NRXN3: variants seen among roughly 807,000 people sequenced by gnomAD.
NRXN3 encodes the protein neurexin III.
A neutral mutation model predicts 137.6 loss-of-function variants in NRXN3; 32 were observed. That is an observed-to-expected ratio of 0.23 (90% CI 0.18 to 0.31). The LOEUF is 0.31. Among genes scored for constraint, NRXN3 ranks in the 10% least tolerant of loss-of-function variants. The probability of loss-of-function intolerance (pLI) is 1.00; values close to 1 mark genes in which losing one functional copy is unlikely to be tolerated. For synonymous variants in NRXN3, 798 were observed against 784.5 expected (o/e 1.02, Z -0.29); for missense variants, 1,574 against 2,062.5 (o/e 0.76, Z 4.59).
At chr14:78,462,959 A>G (rs2094967160) in intron 4 of NRXN3, among the ~76,000 whole-genome samples, 1 of 152,182 alleles carries the variant, frequency 6.6e-6, no homozygotes, top group South Asian at 2.1e-4. Context: ...TGAACAGTGT[A>G]CACTGTGCCC....
chr14:78,225,706 G>C (rs2153430032), intron 1 of NRXN3, among the ~76,000 whole-genome samples: 1 of 152,200 alleles, frequency 6.6e-6, no homozygotes, highest in South Asian at 2.1e-4. Flanking sequence ...CAGATAGATA[G>C]AACTTCTTAT....
At chr14:78,744,429 T>A (rs1215544132) in intron 8 of NRXN3, 1 of 152,226 alleles carries the variant, frequency 6.6e-6, no homozygotes, top group East Asian at 1.9e-4. Context: ...TCTCCCGGCC[T>A]GATATCCTGC....
intron 19 of NRXN3, among the ~76,000 whole-genome samples, chr14:79,749,290 T>A (rs1202226384): frequency 6.6e-6 from 1 of 152,102 alleles, no homozygotes; most frequent in Non-Finnish European, 1.5e-5. Flanking sequence ...TGCTTCACTA[T>A]GCATGAGAGC....
intron 3 of NRXN3, among the ~76,000 whole-genome samples, chr14:78,293,472 T>A (rs1167127368): frequency 6.6e-6 from 1 of 152,108 alleles, no homozygotes; most frequent in Non-Finnish European, 1.5e-5. Context: ...CATCCCACCT[T>A]CCTATTTCTG....
chr14:78,439,768 G>A (rs1471485587), intron 4 of NRXN3, among the ~76,000 whole-genome samples: 1 of 152,214 alleles, frequency 6.6e-6, no homozygotes, highest in Non-Finnish European at 1.5e-5. Context: ...TAGGGTCAGA[G>A]CTAGGACTGG....
chr14:78,865,699 T>C (rs1256753491), intron 10 of NRXN3, among the ~76,000 whole-genome samples: 1 of 152,060 alleles, frequency 6.6e-6, no homozygotes, highest in Non-Finnish European at 1.5e-5. Context: ...AAAGTGAATA[T>C]CTCTGAAATT....
intron 15 of NRXN3, among the ~76,000 whole-genome samples, chr14:79,396,393 G>A (rs1036823270): frequency 6.6e-6 from 1 of 152,012 alleles, no homozygotes; most frequent in Non-Finnish European, 1.5e-5. Flanking sequence ...GTTTGGGGTG[G>A]AACAAATGTT....
Position 78,750,080 on chromosome 14 carries a change from G to C in NRXN3, c.2044+34941G>C, listed in dbSNP as rs528119167. Among the ~76,000 whole-genome samples, 8 of 152,314 alleles carry C rather than the reference G, an allele frequency of 5.3e-5. No homozygotes were observed. In the South Asian group the frequency reaches 1.7e-3, roughly 32 times the overall value. On this transcript the variant is annotated intron_variant, in intron 8 of 20. Transcript: ENST00000335750. ...AGGGATTCCCTGTCTGGAATGTCATGGAAGGTTCCATGAATCTAGCTTCCG... is the reference window on the plus strand; with the variant it reads ...AGGGATTCCCTGTCTGGAATGTCATCGAAGGTTCCATGAATCTAGCTTCCG...
chr14:78,705,641 C>T (rs989490442), intron 6 of NRXN3, among the ~76,000 whole-genome samples: 1 of 152,162 alleles, frequency 6.6e-6, no homozygotes, highest in Non-Finnish European at 1.5e-5. Context: ...TGTCTAACAT[C>T]CCACTTGATC....
chr14:78,711,434 C>CTTTTTT (rs35251417), intron 7 of NRXN3, among the ~76,000 whole-genome samples: 8 of 99,086 alleles, frequency 8.1e-5, no homozygotes, highest in African/African-American at 3.0e-4. Flanking sequence ...ATTCTTTTCT[C>CTTTTTT]TTTTTTTTTT....
At chr14:79,016,441 A>G (rs1400800595) in intron 15 of NRXN3, among the ~76,000 whole-genome samples, 1 of 152,210 alleles carries the variant, frequency 6.6e-6, no homozygotes, top group African/African-American at 2.4e-5. Flanking sequence ...TGAATTTTCA[A>G]GGTGACTGAA....
At chr14:79,215,760 A>G (rs770566631) in intron 15 of NRXN3, among the ~76,000 whole-genome samples, 1 of 152,216 alleles carries the variant, frequency 6.6e-6, no homozygotes, top group Non-Finnish European at 1.5e-5. Context: ...TAGACAAACC[A>G]TATCATACAT....
chr14:78,224,840 C>T (rs1275438229), intron 1 of NRXN3, among the ~76,000 whole-genome samples: 1 of 140,206 alleles, frequency 7.1e-6, no homozygotes, highest in Non-Finnish European at 1.5e-5. Context: ...AATCTCGGCT[C>T]ACTGCAAGCT....
intron 17 of NRXN3, among the ~76,000 whole-genome samples, chr14:79,682,007 CAAATTGATTTTTT>C (rs2098673075): frequency 6.6e-6 from 1 of 151,898 alleles, no homozygotes; most frequent in South Asian, 2.1e-4. Flanking sequence ...TGCTTTAAGT[CAAATTGATTTTTT>C]AAAAATTAAA....
chr14:78,240,886 T>C (rs1473633820), intron 1 of NRXN3, among the ~76,000 whole-genome samples: 1 of 152,142 alleles, frequency 6.6e-6, no homozygotes, highest in Non-Finnish European at 1.5e-5. Context: ...TGGTTATCAT[T>C]AAAATAGGGG....
intron 15 of NRXN3, among the ~76,000 whole-genome samples, chr14:79,389,256 G>A (rs1766556257): frequency 6.6e-6 from 1 of 152,202 alleles, no homozygotes; most frequent in African/African-American, 2.4e-5. Flanking sequence ...GAGAAGTCCA[G>A]ATCAGTTGGG....
chr14:79,560,384 T>C (rs1193448828), intron 16 of NRXN3, among the ~76,000 whole-genome samples: 4 of 151,832 alleles, frequency 2.6e-5, no homozygotes, highest in Non-Finnish European at 5.9e-5. Context: ...ATTCTGGTCC[T>C]GGGTGACCAG....
chr14:79,457,803 C>A (rs184142427), intron 15 of NRXN3, among the ~76,000 whole-genome samples: 1 of 151,980 alleles, frequency 6.6e-6, no homozygotes, highest in Non-Finnish European at 1.5e-5. Context: ...CTTAGCTACC[C>A]CTTCATTGTT....
intron 10 of NRXN3, among the ~76,000 whole-genome samples, chr14:78,853,787 T>G (rs2099049473): frequency 6.6e-6 from 1 of 152,286 alleles, no homozygotes; most frequent in Admixed American, 6.5e-5. Context: ...CTGCCCTGAC[T>G]TCTACCCTTC....
Sources: allele counts gnomAD v4.1 joint callset (sites outside exome capture counted in the v4.1 genomes callset), GRCh38; gene constraint gnomAD v4.1.1; transcripts MANE v1.5; gene names NCBI Gene and HGNC (gene_info 2026-07-23, HGNC 2026-07-21).